The following TOX variants were observed in gnomAD, a reference collection of about 807,000 sequenced individuals.
TOX encodes thymocyte selection-associated high mobility group box protein TOX.
Under a neutral mutation model 53.7 loss-of-function variants are expected in TOX, and 11 were observed. The observed-to-expected ratio is 0.20, with a 90% CI of 0.13 to 0.34. TOX has a LOEUF of 0.34. TOX is among the 10% of genes least tolerant of loss of function. TOX has a pLI of 1.00. For missense variants in TOX, 570 were observed against 664.6 expected (o/e 0.86, Z 1.56); for synonymous variants, 225 against 245.3 (o/e 0.92, Z 0.77).
chr8:58,983,177 C>T (rs1217275480), intron 1 of TOX, among the ~76,000 whole-genome samples: 1 of 152,248 alleles, frequency 6.6e-6, no homozygotes, highest in Non-Finnish European at 1.5e-5. Flanking sequence ...TATGAACTCA[C>T]TGACAGCAGA....
intron 7 of TOX, among the ~76,000 whole-genome samples, 164 bp from the exon 8 acceptor site, chr8:58,808,433 A>AAGAAATGCCC (rs139912832): frequency 0.015 from 2,309 of 152,346 alleles, 58 homozygotes; most frequent in African/African-American, 0.053. Flanking sequence ...AAAGGTAGAA[A>AAGAAATGCCC]AGAAATGCCC....
chr8:58,960,870 G>A (rs879446325), intron 1 of TOX, among the ~76,000 whole-genome samples: 1 of 152,162 alleles, frequency 6.6e-6, no homozygotes, highest in Non-Finnish European at 1.5e-5. Flanking sequence ...GATGAGCAAA[G>A]CATTTCTCTT....
At chr8:58,859,245 A>C (rs754945140) in intron 3 of TOX, among the ~76,000 whole-genome samples, 7 of 152,200 alleles carry the variant, frequency 4.6e-5, no homozygotes, top group Non-Finnish European at 7.4e-5. Flanking sequence ...GAAAATTTGG[A>C]AAAATACATA....
At chr8:58,937,582 T>C (rs1337264030) in intron 3 of TOX, among the ~76,000 whole-genome samples, 1 of 152,144 alleles carries the variant, frequency 6.6e-6, no homozygotes, top group Non-Finnish European at 1.5e-5. Context: ...TGTTTAAGAG[T>C]GACGTCTCTT....
intron 1 of TOX, among the ~76,000 whole-genome samples, chr8:59,106,711 G>T (rs1298658701): frequency 6.6e-6 from 1 of 152,132 alleles, no homozygotes; most frequent in Admixed American, 6.5e-5. Flanking sequence ...CTGCCGGGTT[G>T]TCAATCATGA....
intron 1 of TOX, among the ~76,000 whole-genome samples, chr8:58,990,743 T>G (rs1813427260): frequency 6.6e-6 from 1 of 152,168 alleles, no homozygotes; most frequent in Admixed American, 6.5e-5. Flanking sequence ...TCTGTGCTGG[T>G]CAGCAGGTCA....
intron 1 of TOX, among the ~76,000 whole-genome samples, chr8:59,107,377 G>C (rs899849355): frequency 1.3e-4 from 20 of 152,070 alleles, no homozygotes; most frequent in Admixed American, 5.2e-4. Flanking sequence ...ATATTAGTGT[G>C]CTTTAAAGCC....
At chr8:58,857,958 C>T (rs1810943362) in intron 3 of TOX, among the ~76,000 whole-genome samples, 1 of 152,066 alleles carries the variant, frequency 6.6e-6, no homozygotes, top group South Asian at 2.1e-4. Flanking sequence ...TTAGTAAAGA[C>T]AGGGTTTCAC....
At chr8:58,972,126 G>GTA (rs924420830) in intron 1 of TOX, among the ~76,000 whole-genome samples, 20 of 152,134 alleles carry the variant, frequency 1.3e-4, no homozygotes, top group South Asian at 4.1e-4. Flanking sequence ...ATCATTATAT[G>GTA]TATATATATA....
rs761751815 is a variant in TOX, at chr8:58,959,966, G to C, written c.145C>G (p.Gln49Glu). Reference sequence around the variant, plus strand: ...ACCTGGCTGGCTGGCACATAGTCCTGGCTCGGCTCTGTCATGCTCATATAC... The same window carrying C: ...ACCTGGCTGGCTGGCACATAGTCCTCGCTCGGCTCTGTCATGCTCATATAC... ...NMYMSMTEPS[Q>E]DYVPASQSYP... The change falls in exon 2 of 9, where the codon CAG becomes GAG. Residue 49 changes from glutamine (Q) to glutamate (E), a missense_variant. Around this residue, in one of 3 missense-constraint regions of TOX, gnomAD observed 282 missense variants for 315.0 expected, o/e 0.90. Transcript: ENST00000361421. The C allele has an allele frequency of 6.2e-7, 1 of 1,614,196 alleles. No homozygotes were observed. Among genetic ancestry groups the C allele is most frequent in the South Asian group, 1.1e-5 (1 of 91,076 alleles).
chr8:59,006,071 T>C (rs904990521), intron 1 of TOX, among the ~76,000 whole-genome samples: 11 of 152,258 alleles, frequency 7.2e-5, no homozygotes, highest in Non-Finnish European at 1.3e-4. Flanking sequence ...ATAGGTTTTA[T>C]ATAGATGTCA....
chr8:58,952,045 T>C (rs1812630452), intron 2 of TOX, among the ~76,000 whole-genome samples: 1 of 152,176 alleles, frequency 6.6e-6, no homozygotes, highest in African/African-American at 2.4e-5. Context: ...TCTAGCTAGG[T>C]CTGCTCCCAA....
chr8:59,095,805 T>G (rs1465974114), intron 1 of TOX, among the ~76,000 whole-genome samples: 1 of 152,232 alleles, frequency 6.6e-6, no homozygotes, highest in Non-Finnish European at 1.5e-5. Context: ...GCCAATGATT[T>G]AAGTGTTTAG....
chr8:58,964,330 C>T (rs568468371), intron 1 of TOX, among the ~76,000 whole-genome samples: 8 of 152,196 alleles, frequency 5.3e-5, no homozygotes, highest in Middle Eastern at 3.4e-3. Flanking sequence ...GTAGTCATTC[C>T]CATTGAGGTT....
chr8:59,063,674 G>A (rs534420853), intron 1 of TOX, among the ~76,000 whole-genome samples: 61 of 151,830 alleles, frequency 4.0e-4, no homozygotes, highest in Non-Finnish European at 7.7e-4. Context: ...CACCCGCCTC[G>A]GCCTCTTAAA....
chr8:58,821,297 C>T (rs1042734056), intron 6 of TOX, among the ~76,000 whole-genome samples: 12 of 151,778 alleles, frequency 7.9e-5, no homozygotes, highest in African/African-American at 2.9e-4. Flanking sequence ...AAATCTTTCC[C>T]CCCTCCTTTC....
At chr8:59,097,464 C>A (rs995028179) in intron 1 of TOX, among the ~76,000 whole-genome samples, 1 of 152,204 alleles carries the variant, frequency 6.6e-6, no homozygotes, top group Non-Finnish European at 1.5e-5. Flanking sequence ...ATTATAAATT[C>A]TACCAATAAA....
At chr8:59,051,608 G>A (rs1206262576) in intron 1 of TOX, among the ~76,000 whole-genome samples, 1 of 152,032 alleles carries the variant, frequency 6.6e-6, no homozygotes, top group Non-Finnish European at 1.5e-5. Context: ...TAAGACAAAT[G>A]TCCTTGTAAA....
At chr8:58,901,101 A>T (rs1189427600) in intron 3 of TOX, among the ~76,000 whole-genome samples, 1 of 152,134 alleles carries the variant, frequency 6.6e-6, no homozygotes, top group African/African-American at 2.4e-5. Flanking sequence ...TTCCTTCAAA[A>T]ATCAACATAG....
Sources: allele counts gnomAD v4.1 joint callset (sites outside exome capture counted in the v4.1 genomes callset), GRCh38; gene constraint gnomAD v4.1.1; regional missense constraint gnomAD v4.1.1; transcripts MANE v1.5; gene names NCBI Gene and HGNC (gene_info 2026-07-23, HGNC 2026-07-21).